The following PITPNB variants were observed in gnomAD, a reference collection of about 807,000 sequenced individuals.
PITPNB encodes phosphatidylinositol transfer protein beta, also known as phosphatidylinositol transfer protein beta isoform.
PITPNB carries 16 observed loss-of-function variants against 45.9 expected under a neutral mutation model. The ratio of observed to expected loss-of-function variants is 0.35; its 90% CI spans 0.24 to 0.53. The LOEUF is 0.53. Among genes scored for constraint, PITPNB ranks in the 20% least tolerant of loss-of-function variants. PITPNB has a pLI of 0.93. For missense variants in PITPNB, 188 were observed against 330.5 expected, an observed-to-expected ratio of 0.57 and a Z score of 3.34; for synonymous variants, 112 against 108.9, an observed-to-expected ratio of 1.03 and a Z score of -0.18.
chr22:27,879,977 CA>C (rs1447934342), intron 7 of PITPNB, among the ~76,000 whole-genome samples: 1 of 152,128 alleles, frequency 6.6e-6, no homozygotes, highest in Non-Finnish European at 1.5e-5. Context: ...AAAAATTAAA[CA>C]TTTTTTTAAA....
intron 8 of PITPNB, among the ~76,000 whole-genome samples, chr22:27,872,858 C>G (rs750332904): frequency 1.1e-4 from 16 of 152,212 alleles, no homozygotes; most frequent in Non-Finnish European, 1.6e-4. Flanking sequence ...CTTTAAGGAT[C>G]TGTCATTTAG....
At chr22:27,871,272 A>AT (rs1934650789) in intron 8 of PITPNB, among the ~76,000 whole-genome samples, 1 of 152,242 alleles carries the variant, frequency 6.6e-6, no homozygotes, top group Admixed American at 6.5e-5. Context: ...TGCCTGTTAT[A>AT]AAATCAGGAG....
chr22:27,884,196 G>T (rs577555662), intron 7 of PITPNB, among the ~76,000 whole-genome samples: 3 of 152,158 alleles, frequency 2.0e-5, no homozygotes, highest in African/African-American at 7.2e-5. Context: ...CTCGAAGCCC[G>T]TAATTGTGTC....
At chr22:27,858,775 T>G (rs1447563733) in intron 9 of PITPNB, among the ~76,000 whole-genome samples, 1 of 152,162 alleles carries the variant, frequency 6.6e-6, no homozygotes, top group Non-Finnish European at 1.5e-5. Flanking sequence ...AAAAATGCGG[T>G]GTGTATGACC....
chr22:27,894,710 T>C, intron 6 of PITPNB, 72 bp from the exon 7 acceptor site: 2 of 832,856 alleles, frequency 2.4e-6, no homozygotes, highest in Non-Finnish European at 4.0e-6. Context: ...ATATAATCTT[T>C]ATCTTGAGTC....
chr22:27,906,931 C>T (rs762381812), intron 3 of PITPNB, among the ~76,000 whole-genome samples: 3 of 152,052 alleles, frequency 2.0e-5, no homozygotes, highest in Non-Finnish European at 4.4e-5. Flanking sequence ...TATATGCTAC[C>T]AAGAAGTGTT....
rs1934055172 is a variant in PITPNB at position 27,852,716 on chromosome 22, A to G, written c.*986T>C. ...ATCTAGACCATTTGCATAGTTTCCA[A>G]GCTGTAGTTACAGAAAACTGTCATC... On this transcript the variant is annotated 3_prime_UTR_variant, in exon 12 of 12. Coordinates refer to ENST00000335272, the MANE Select transcript of PITPNB (RefSeq NM_012399.5). 6.6e-6 allele frequency: 1 copy of G among 152,626 alleles called. No homozygotes were observed. The highest frequency in any genetic ancestry group is 6.5e-5 in the Admixed American group (1 of 15,290). 9.5% of individuals were successfully genotyped at this position (152,626 alleles called of 1,614,324 possible).
chr22:27,894,701 T>C, intron 6 of PITPNB, 63 bp from the exon 7 acceptor site: 1 of 903,684 alleles, frequency 1.1e-6, no homozygotes, highest in Non-Finnish European at 1.8e-6. Context: ...TGCTTACACA[T>C]ATAATCTTTA....
At chr22:27,888,075 A>G (rs1280723405) in intron 7 of PITPNB, among the ~76,000 whole-genome samples, 1 of 152,234 alleles carries the variant, frequency 6.6e-6, no homozygotes, top group Admixed American at 6.5e-5. Flanking sequence ...TAGTCCATAC[A>G]TAACTAAGCA....
intron 7 of PITPNB, among the ~76,000 whole-genome samples, chr22:27,890,641 T>C (rs1935249524): frequency 6.6e-6 from 1 of 152,078 alleles, no homozygotes; most frequent in Non-Finnish European, 1.5e-5. Context: ...GGCGAAACCC[T>C]GTCTCTACTA....
chr22:27,890,990 C>G (rs1569022950), intron 7 of PITPNB, among the ~76,000 whole-genome samples: 1 of 152,152 alleles, frequency 6.6e-6, no homozygotes, highest in African/African-American at 2.4e-5. Flanking sequence ...CTGTGCGTTG[C>G]GTGATTCTAT....
At chr22:27,905,720 AG>A (rs1030072986) in intron 3 of PITPNB, among the ~76,000 whole-genome samples, 31 of 152,320 alleles carry the variant, frequency 2.0e-4, no homozygotes, top group African/African-American at 7.0e-4. Context: ...CCCATCAATC[AG>A]GACTGACTGA....
At chr22:27,897,567 A>G (rs556508026) in intron 4 of PITPNB, among the ~76,000 whole-genome samples, 1 of 152,326 alleles carries the variant, frequency 6.6e-6, no homozygotes, top group African/African-American at 2.4e-5. Context: ...TGGAGCCAGC[A>G]TAGTCAGCTA....
At chr22:27,854,153 T>C (rs1934107112) in intron 11 of PITPNB, among the ~76,000 whole-genome samples, 1 of 152,070 alleles carries the variant, frequency 6.6e-6, no homozygotes, top group African/African-American at 2.4e-5. Context: ...TAATAAACAT[T>C]ATAGTTCAGT....
At chr22:27,864,678 C>T (rs2143181) in intron 8 of PITPNB, among the ~76,000 whole-genome samples, 20,270 of 152,156 alleles carry the variant, frequency 0.13, 1,448 homozygotes, top group East Asian at 0.23. Context: ...TGGTTCACAC[C>T]TGTAAACCCA....
chr22:27,858,564 GAC>G (rs1934235769), intron 9 of PITPNB, 55 bp from the exon 10 acceptor site: 2 of 1,423,464 alleles, frequency 1.4e-6, no homozygotes, highest in African/African-American at 2.8e-5. Flanking sequence ...TAAGATTAAT[GAC>G]ACATTAACTT....
intron 7 of PITPNB, among the ~76,000 whole-genome samples, chr22:27,877,615 G>A (rs1009056946): frequency 2.0e-5 from 3 of 152,136 alleles, no homozygotes; most frequent in African/African-American, 4.8e-5. Context: ...GATTCATTTC[G>A]AATACAAAGA....
At chr22:27,860,557 T>C (rs1176849810) in intron 8 of PITPNB, 1 of 195,236 alleles carries the variant, frequency 5.1e-6, no homozygotes, top group Non-Finnish European at 1.1e-5. Flanking sequence ...GTGTCTTTAA[T>C]ACATAAGGGT....
chr22:27,913,731 G>A (rs1240504632), intron 2 of PITPNB, among the ~76,000 whole-genome samples: 1 of 152,196 alleles, frequency 6.6e-6, no homozygotes, highest in Non-Finnish European at 1.5e-5. Context: ...GCTGTATTAA[G>A]CCAAGTGAAT....
Sources: gnomAD v4.1 joint callset for allele counts (sites outside exome capture counted in the v4.1 genomes callset) on GRCh38, gnomAD v4.1.1 for gene constraint, MANE v1.5 for transcripts, NCBI Gene and HGNC (gene_info 2026-07-23, HGNC 2026-07-21) for gene names.